Variants in AKT3 observed in about 807,000 individuals in gnomAD.
AKT3 encodes the protein AKT serine/threonine kinase 3, also known as RAC-gamma serine/threonine-protein kinase.
A neutral mutation model predicts 65.3 loss-of-function variants in AKT3; 15 were observed. The ratio of observed to expected loss-of-function variants is 0.23; its 90% CI spans 0.15 to 0.35. The LOEUF (loss-of-function observed/expected upper bound fraction) is 0.35, where lower values mean the gene tolerates loss of function less well. Among genes scored for constraint, AKT3 ranks in the 10% least tolerant of loss-of-function variants. The pLI is 1.00. For synonymous variants in AKT3, 206 were observed against 183.8 expected (o/e 1.12, Z -0.98); for missense variants, 243 against 576.5 (o/e 0.42, Z 5.92).
At chr1:243,654,997 CATT>C (rs1225779937) in intron 4 of AKT3, among the ~76,000 whole-genome samples, 1 of 152,048 alleles carries the variant, frequency 6.6e-6, no homozygotes, top group Admixed American at 6.6e-5. Context: ...AAATTTCAAT[CATT>C]ATATTTTCAA....
chr1:243,811,545 T>G (rs1199385420), intron 2 of AKT3, among the ~76,000 whole-genome samples: 1 of 152,148 alleles, frequency 6.6e-6, no homozygotes, highest in African/African-American at 2.4e-5. Flanking sequence ...TGGAAGAACA[T>G]TCCATGCTCA....
chr1:243,685,336 T>C (rs1359997646), intron 3 of AKT3, among the ~76,000 whole-genome samples: 1 of 152,200 alleles, frequency 6.6e-6, no homozygotes, highest in African/African-American at 2.4e-5. Context: ...CTTTAATCCA[T>C]CTTGAGTTAA....
intron 12 of AKT3, among the ~76,000 whole-genome samples, chr1:243,535,563 T>C (rs1671868695): frequency 6.6e-6 from 1 of 152,238 alleles, no homozygotes; most frequent in Non-Finnish European, 1.5e-5. Context: ...TGTTCTTTTT[T>C]ATGGCTAGTG....
rs569141797 is a variant in AKT3, at chr1:243,533,765, C to T, written c.1251+11745G>A. 5.3e-5 allele frequency among the ~76,000 whole-genome samples: 8 copies of T among 151,846 alleles called. No homozygotes were observed. In the East Asian group the frequency reaches 5.8e-4, roughly 11 times the overall value. On this transcript the variant is annotated intron_variant, in intron 12 of 13. Transcript: ENST00000673466. ...CAGCACTTTGGGAGGCTGAGGTGGGCGGATCACGAGGTCAGGAGATCGAGA... is the reference window on the plus strand; with the variant it reads ...CAGCACTTTGGGAGGCTGAGGTGGGTGGATCACGAGGTCAGGAGATCGAGA...
chr1:243,808,807 A>G (rs1253092446), intron 2 of AKT3, among the ~76,000 whole-genome samples: 1 of 152,238 alleles, frequency 6.6e-6, no homozygotes, highest in Non-Finnish European at 1.5e-5. Flanking sequence ...ACAAAAGGGA[A>G]GCCCATCAGA....
chr1:243,709,502 A>G (rs1022331106), intron 2 of AKT3, among the ~76,000 whole-genome samples: 10 of 151,918 alleles, frequency 6.6e-5, no homozygotes, highest in African/African-American at 2.4e-4. Context: ...GAACTATGCC[A>G]TTATTTAGCA....
At chr1:243,653,065 G>T (rs1316361137) in intron 4 of AKT3, among the ~76,000 whole-genome samples, 1 of 151,950 alleles carries the variant, frequency 6.6e-6, no homozygotes, top group Non-Finnish European at 1.5e-5. Flanking sequence ...TCCAGGAGCT[G>T]GTTTTTTGAA....
At chr1:243,621,224 T>C (rs781618291) in intron 6 of AKT3, among the ~76,000 whole-genome samples, 3 of 152,156 alleles carry the variant, frequency 2.0e-5, no homozygotes, top group Non-Finnish European at 2.9e-5. Context: ...TTTCATTTAT[T>C]TGTCTCTCTT....
chr1:243,718,407 T>TA (rs963393782), intron 2 of AKT3, among the ~76,000 whole-genome samples: 22 of 151,954 alleles, frequency 1.4e-4, no homozygotes, highest in African/African-American at 4.6e-4. Flanking sequence ...AAGTTTTTTT[T>TA]AAAAAAAAGC....
chr1:243,738,695 T>C (rs894014271), intron 2 of AKT3, among the ~76,000 whole-genome samples: 5 of 152,188 alleles, frequency 3.3e-5, no homozygotes, highest in Admixed American at 1.3e-4. Context: ...ATAAAGATGG[T>C]AAACCATTAC....
In AKT3 at chr1:243,710,054, C is replaced by G. The variant is rs570751338; in HGVS notation, c.47-14338G>C. 3.3e-5 allele frequency among the ~76,000 whole-genome samples: 5 copies of G among 152,190 alleles called. No individual in the cohort carries two copies. The South Asian group carries it at 1.0e-3, about 32-fold the overall frequency. On this transcript the variant is annotated intron_variant, in intron 2 of 13. Transcript: ENST00000673466. The stretch of plus-strand genomic sequence containing the variant: ...TAGCAAGATGCCTTAAACAATATGT[C>G]AGACAGTGAAATACTCTGTTTTCAA...
chr1:243,712,265 A>T (rs1296300313), intron 2 of AKT3, among the ~76,000 whole-genome samples: 2 of 152,236 alleles, frequency 1.3e-5, no homozygotes, highest in African/African-American at 2.4e-5. Context: ...CTTTTCAGCA[A>T]ACACGGATTA....
At chr1:243,787,686 C>T (rs752471573) in intron 2 of AKT3, among the ~76,000 whole-genome samples, 3 of 152,104 alleles carry the variant, frequency 2.0e-5, no homozygotes, top group Admixed American at 6.5e-5. Flanking sequence ...ATATTTATCC[C>T]AATTCACCCC....
chr1:243,643,283 G>C (rs1680576792), intron 5 of AKT3, among the ~76,000 whole-genome samples: 1 of 152,210 alleles, frequency 6.6e-6, no homozygotes, highest in Admixed American at 6.5e-5. Context: ...TGGGAAAGCA[G>C]GAGGCACTGC....
In AKT3 at chr1:243,499,850, T is replaced by A; in HGVS notation, c.*5399A>T. ...ATATTTACATTCATCTGGTTTAGACTTAATATGCCACAACGCACCACGACC... is the reference window on the plus strand; with the variant it reads ...ATATTTACATTCATCTGGTTTAGACATAATATGCCACAACGCACCACGACC... On this transcript the variant is annotated 3_prime_UTR_variant, in exon 14 of 14. Coordinates refer to ENST00000673466, the MANE Select transcript of AKT3 (RefSeq NM_005465.7). The A allele has an allele frequency of 1.3e-6, 2 of 1,501,814 alleles. No individual in the cohort carries two copies. The highest frequency in any genetic ancestry group is 1.8e-6 in the Non-Finnish European group (2 of 1,082,874). 93.0% of individuals were successfully genotyped at this position (1,501,814 alleles called of 1,614,324 possible).
At chr1:243,651,340 CAG>C (rs1389489326) in intron 4 of AKT3, among the ~76,000 whole-genome samples, 2 of 152,138 alleles carry the variant, frequency 1.3e-5, no homozygotes, top group African/African-American at 4.8e-5. Flanking sequence ...CATCTGCAAA[CAG>C]AGACAATTTG....
At chr1:243,708,714 G>A (rs1685963703) in intron 2 of AKT3, among the ~76,000 whole-genome samples, 1 of 152,020 alleles carries the variant, frequency 6.6e-6, no homozygotes, top group African/African-American at 2.4e-5. Context: ...AATAATCTAA[G>A]TTCCTGTTTT....
At position 243,795,449 on chromosome 1, in the gene AKT3, G is replaced by GT. The variant is rs1193523598; in HGVS notation, c.46+47675dup. Among the ~76,000 whole-genome samples, 173 of 93,422 alleles carry GT rather than the reference G, an allele frequency of 1.9e-3. 3 individuals carry two copies. The highest frequency in any genetic ancestry group is 3.0e-3 in the South Asian group (8 of 2,682). The allele number at this position is 93,422 out of a possible 152,430, so 61.3% of individuals were successfully genotyped here. A position where few individuals can be genotyped will look rare whatever the true frequency, so the allele number is the denominator to read the frequency against. On this transcript the variant is annotated intron_variant, in intron 2 of 13. Coordinates refer to ENST00000673466, the MANE Select transcript of AKT3 (RefSeq NM_005465.7). ...GGCGTAGGTTTCCCTTGATCTCCTTGTTTTTTTTTTTTGTTTTTTTTTTTT... is the reference window on the plus strand; with the variant it reads ...GGCGTAGGTTTCCCTTGATCTCCTTGTTTTTTTTTTTTTGTTTTTTTTTTTT...
intron 2 of AKT3, among the ~76,000 whole-genome samples, chr1:243,768,403 C>A (rs1689964068): frequency 6.6e-6 from 1 of 152,078 alleles, no homozygotes; most frequent in African/African-American, 2.4e-5. Flanking sequence ...TTTCAGGTCT[C>A]TGTTGAAATA....
Sources: allele counts gnomAD v4.1 joint callset (sites outside exome capture counted in the v4.1 genomes callset), GRCh38; gene constraint gnomAD v4.1.1; transcripts MANE v1.5; gene names NCBI Gene and HGNC (gene_info 2026-07-23, HGNC 2026-07-21).